INTU: variants seen among roughly 807,000 people sequenced by gnomAD.
INTU encodes protein inturned.
A neutral mutation model predicts 100.5 loss-of-function variants in INTU; 68 were observed. That is an observed-to-expected ratio of 0.68 (90% confidence interval 0.56 to 0.83). The LOEUF (loss-of-function observed/expected upper bound fraction) is 0.83, where lower values mean the gene tolerates loss of function less well. Ranked by LOEUF, INTU falls within the 40% of genes least tolerant of loss-of-function variation. The pLI, the probability that INTU is intolerant of heterozygous loss-of-function variation, is 0.00. For synonymous variants in INTU, 357 were observed against 395.7 expected (o/e 0.90, Z 1.16); for missense variants, 1,071 against 1,114.7 (o/e 0.96, Z 0.56).
intron 2 of INTU, among the ~76,000 whole-genome samples, chr4:127,644,374 A>G (rs1727476196): frequency 6.6e-6 from 1 of 152,208 alleles, no homozygotes; most frequent in Admixed American, 6.5e-5. Context: ...AACGTTGATC[A>G]TAGAGTGATA....
At position 127,710,908 on chromosome 4, in the gene INTU, T is replaced by C. The variant is rs765537021; in HGVS notation, c.2370-5T>C. The C allele has an allele frequency of 8.2e-5, 117 of 1,422,344 alleles. No homozygotes were observed. The highest frequency in any genetic ancestry group is 1.0e-4 in the Non-Finnish European group (107 of 1,074,026). 88.1% of individuals were successfully genotyped at this position (1,422,344 alleles called of 1,614,324 possible). ...TTCTTCTCTTTGATTTTTTTTCTTT[T>C]TAAGACTGACATCTGGTCCTGAGAA... On this transcript the variant is annotated splice_polypyrimidine_tract_variant and splice_region_variant and intron_variant, in intron 13 of 15. Coordinates refer to ENST00000335251, the MANE Select transcript of INTU (RefSeq NM_015693.4).
intron 10 of INTU, among the ~76,000 whole-genome samples, chr4:127,704,838 A>C (rs1730807925): frequency 6.6e-6 from 1 of 151,518 alleles, no homozygotes; most frequent in East Asian, 2.0e-4. Flanking sequence ...CTGTAATCCC[A>C]TCACTTTGGG....
intron 6 of INTU, among the ~76,000 whole-genome samples, chr4:127,681,551 T>A (rs1348910376): frequency 1.3e-5 from 2 of 152,218 alleles, no homozygotes; most frequent in African/African-American, 4.8e-5. Context: ...GCTAGCCATA[T>A]GTAGAAAGCT....
Position 127,726,589 on chromosome 4 carries a change from A to T in INTU, c.*10153A>T, listed in dbSNP as rs954839591. 2 of 152,252 alleles carry T rather than the reference A, an allele frequency of 1.3e-5. No individual in the cohort carries two copies. The highest frequency in any genetic ancestry group is 2.9e-5 in the Non-Finnish European group (2 of 68,042). 9.4% of individuals were successfully genotyped at this position (152,252 alleles called of 1,614,324 possible). A position where few individuals can be genotyped will look rare whatever the true frequency, so the allele number is the denominator to read the frequency against. ...AAGAATTTATACTTTGGATATTTTT[A>T]AATTGTTAAATGTTATTGAAACTTT... On this transcript the variant is annotated 3_prime_UTR_variant, in exon 16 of 16. Coordinates refer to ENST00000335251, the MANE Select transcript of INTU (RefSeq NM_015693.4).
intron 6 of INTU, among the ~76,000 whole-genome samples, chr4:127,679,315 A>T (rs1009512461): frequency 1.8e-4 from 27 of 152,256 alleles, no homozygotes; most frequent in African/African-American, 6.5e-4. Flanking sequence ...TTTCAGCACC[A>T]CACCACACCT....
intron 5 of INTU, among the ~76,000 whole-genome samples, chr4:127,673,036 C>T (rs1729004874): frequency 6.6e-6 from 1 of 152,226 alleles, no homozygotes; most frequent in Non-Finnish European, 1.5e-5. Flanking sequence ...ATCTGACTTA[C>T]ATTTTGGTTA....
chr4:127,711,596 C>A (rs1015391615), intron 14 of INTU, among the ~76,000 whole-genome samples: 3 of 152,114 alleles, frequency 2.0e-5, no homozygotes, highest in African/African-American at 7.2e-5. Context: ...AGGTGAGTGG[C>A]GGGCCAGGGA....
In INTU at chr4:127,643,612, C is replaced by T; in HGVS notation, c.238C>T (p.Pro80Ser). ...LSEDEEESLLPETPTVNHVRF... is the reference protein window; with the variant it reads ...LSEDEEESLLSETPTVNHVRF... ...TGAGGATGAAGAAGAAAGCCTCCTT[C>T]CTGAGACACCAACTGTGAACCATGT... is the stretch of plus-strand genomic sequence containing the variant. Residue 80 changes from proline to serine, a missense_variant, in exon 2 of 16, where the codon CCT becomes TCT. Physicochemically the swap from Pro to Ser is moderately conservative, Grantham distance 74 (BLOSUM62 -1). Transcript: ENST00000335251. The T allele has an allele frequency of 6.2e-7, 1 of 1,613,664 alleles. No homozygotes were observed. The highest frequency in any genetic ancestry group is 2.2e-5 in the East Asian group (1 of 44,872).
intron 4 of INTU, among the ~76,000 whole-genome samples, chr4:127,665,032 G>A (rs1291491801): frequency 6.6e-6 from 1 of 151,486 alleles, no homozygotes; most frequent in Non-Finnish European, 1.5e-5. Context: ...ATACTAAAGT[G>A]AAACACTATC....
At chr4:127,713,283 A>G (rs910905427) in intron 14 of INTU, among the ~76,000 whole-genome samples, 4 of 152,158 alleles carry the variant, frequency 2.6e-5, no homozygotes, top group Admixed American at 6.5e-5. Context: ...CTGTGGATAT[A>G]TTTTGGAGGG....
intron 7 of INTU, chr4:127,685,306 A>C (rs1729765649): frequency 5.1e-6 from 1 of 194,992 alleles, no homozygotes; most frequent in Non-Finnish European, 1.1e-5. Context: ...GAGGGCTAAA[A>C]TGGTATCTTT....
intron 6 of INTU, among the ~76,000 whole-genome samples, chr4:127,677,088 G>C (rs1218009458): frequency 1.3e-5 from 2 of 152,212 alleles, no homozygotes; most frequent in Admixed American, 6.5e-5. Flanking sequence ...GGTAAAGAAA[G>C]CAGCCGGGAA....
chr4:127,671,978 A>G (rs749169568), intron 5 of INTU, among the ~76,000 whole-genome samples: 9 of 152,090 alleles, frequency 5.9e-5, no homozygotes, highest in Non-Finnish European at 1.3e-4. Flanking sequence ...AGAGTGTAAA[A>G]TAACAGACAT....
chr4:127,683,846 A>C (rs1216612290), intron 6 of INTU: 1 of 152,186 alleles, frequency 6.6e-6, no homozygotes, highest in Admixed American at 6.6e-5. Context: ...TATTTGTATA[A>C]TGGGAATAAT....
At chr4:127,715,568 A>C (rs62334041) in intron 15 of INTU, among the ~76,000 whole-genome samples, 2 of 152,170 alleles carry the variant, frequency 1.3e-5, no homozygotes, top group Non-Finnish European at 2.9e-5. Context: ...ACATCAGTGT[A>C]AGCTTAATTC....
At chr4:127,688,882 T>A (rs1281283121) in intron 8 of INTU, among the ~76,000 whole-genome samples, 1 of 152,036 alleles carries the variant, frequency 6.6e-6, no homozygotes, top group East Asian at 1.9e-4. Flanking sequence ...ATTTTTTTTG[T>A]CCTTAGCTCT....
intron 6 of INTU, among the ~76,000 whole-genome samples, chr4:127,682,167 T>C (rs1294888249): frequency 6.6e-6 from 1 of 152,118 alleles, no homozygotes; most frequent in Non-Finnish European, 1.5e-5. Context: ...GACTGTAAAC[T>C]AGTTCAGCCC....
intron 6 of INTU, among the ~76,000 whole-genome samples, chr4:127,677,110 G>A (rs1255133505): frequency 6.6e-6 from 1 of 152,216 alleles, no homozygotes; most frequent in Non-Finnish European, 1.5e-5. Context: ...CTCGAACTGG[G>A]TGGAGCCCAC....
At chr4:127,693,891 TA>T (rs1289864923) in intron 8 of INTU, among the ~76,000 whole-genome samples, 1 of 152,142 alleles carries the variant, frequency 6.6e-6, no homozygotes, top group Non-Finnish European at 1.5e-5. Flanking sequence ...TTATGTATGT[TA>T]AACCATCCCT....
Sources: allele counts gnomAD v4.1 joint callset (sites outside exome capture counted in the v4.1 genomes callset), GRCh38; gene constraint gnomAD v4.1.1; transcripts MANE v1.5; gene names NCBI Gene and HGNC (gene_info 2026-07-23, HGNC 2026-07-21).